The following SLC10A7 variants were observed in gnomAD, a reference collection of about 807,000 sequenced individuals.
SLC10A7 encodes sodium/bile acid cotransporter 7.
In SLC10A7, 29 loss-of-function variants were observed where a neutral mutation model predicts 43.2. That is an observed-to-expected ratio of 0.67 (90% CI 0.50 to 0.92). The LOEUF (loss-of-function observed/expected upper bound fraction) is 0.92. Ranked by LOEUF, SLC10A7 falls within the 40% of genes least tolerant of loss-of-function variation. The pLI is 0.00. For synonymous variants in SLC10A7, 152 were observed against 144.8 expected (o/e 1.05, Z -0.35); for missense variants, 295 against 403.2 (o/e 0.73, Z 2.30).
intron 6 of SLC10A7, among the ~76,000 whole-genome samples, chr4:146,325,110 G>A (rs1350493944): frequency 6.6e-6 from 1 of 152,120 alleles, no homozygotes; most frequent in African/African-American, 2.4e-5. Context: ...TTTCCCCATA[G>A]TTTTAATTCA....
chr4:146,315,823 T>C (rs1359304034), intron 6 of SLC10A7, among the ~76,000 whole-genome samples: 1 of 152,126 alleles, frequency 6.6e-6, no homozygotes, highest in Non-Finnish European at 1.5e-5. Flanking sequence ...TATAATTTAT[T>C]TTTCATAGCA....
chr4:146,377,502 C>T (rs6841790), intron 5 of SLC10A7, among the ~76,000 whole-genome samples: 32,079 of 152,116 alleles, frequency 0.21, 3,527 homozygotes, highest in African/African-American at 0.27. Context: ...CTCCTCCTCC[C>T]GCAAGGGGTT....
intron 5 of SLC10A7, among the ~76,000 whole-genome samples, chr4:146,343,955 C>G: frequency 6.6e-6 from 1 of 151,956 alleles, no homozygotes; most frequent in East Asian, 1.9e-4. Context: ...AGAAGCAAAA[C>G]TCATTTTTAA....
intron 7 of SLC10A7, among the ~76,000 whole-genome samples, chr4:146,303,463 C>G (rs1036210502): frequency 2.0e-5 from 3 of 151,282 alleles, no homozygotes; most frequent in Admixed American, 1.3e-4. Context: ...CTGCAACCTC[C>G]GCCTCCCAGG....
chr4:146,309,784 A>AT (rs1731834930), intron 6 of SLC10A7, among the ~76,000 whole-genome samples: 1 of 152,144 alleles, frequency 6.6e-6, no homozygotes, highest in Admixed American at 6.5e-5. Context: ...GTGCACTTTC[A>AT]TGTGACAGAC....
At chr4:146,335,168 G>C (rs1209291382) in intron 5 of SLC10A7, among the ~76,000 whole-genome samples, 1 of 143,212 alleles carries the variant, frequency 7.0e-6, no homozygotes, top group Non-Finnish European at 1.5e-5. Context: ...TTTTGTTTTT[G>C]CCAAAAACTT....
intron 5 of SLC10A7, among the ~76,000 whole-genome samples, chr4:146,339,297 T>C (rs17021388): frequency 0.022 from 3,325 of 152,074 alleles, 115 homozygotes; most frequent in African/African-American, 0.076. Context: ...CGTGTCTAAA[T>C]GATGGCACAC....
At chr4:146,381,329 T>C (rs1004133544) in intron 5 of SLC10A7, among the ~76,000 whole-genome samples, 2 of 152,160 alleles carry the variant, frequency 1.3e-5, no homozygotes, top group South Asian at 2.1e-4. Flanking sequence ...ATGTGAACTT[T>C]TGTAAAACTG....
At chr4:146,487,706 T>G (rs1463698268) in intron 4 of SLC10A7, among the ~76,000 whole-genome samples, 3 of 152,286 alleles carry the variant, frequency 2.0e-5, no homozygotes, top group South Asian at 4.1e-4. Context: ...CAGAATAATA[T>G]AAAAGCAGTC....
intron 10 of SLC10A7, among the ~76,000 whole-genome samples, chr4:146,264,531 C>T (rs1410387544): frequency 6.6e-6 from 1 of 152,100 alleles, no homozygotes; most frequent in Admixed American, 6.6e-5. Flanking sequence ...AGTTACTGGT[C>T]TAGGTGGTAG....
At chr4:146,364,104 G>C (rs183975375) in intron 5 of SLC10A7, among the ~76,000 whole-genome samples, 5 of 147,436 alleles carry the variant, frequency 3.4e-5, no homozygotes, top group Non-Finnish European at 6.0e-5. Flanking sequence ...AAAACCTTTA[G>C]CTAAACTAAG....
chr4:146,392,080 C>T (rs189023478), intron 5 of SLC10A7, among the ~76,000 whole-genome samples: 4 of 152,252 alleles, frequency 2.6e-5, no homozygotes, highest in East Asian at 3.9e-4. Context: ...TGTCTGCAAA[C>T]GGAGCTCAGG....
intron 6 of SLC10A7, among the ~76,000 whole-genome samples, chr4:146,313,597 T>C (rs1490825032): frequency 1.3e-5 from 2 of 152,088 alleles, no homozygotes; most frequent in African/African-American, 4.8e-5. Flanking sequence ...TATGCAACCA[T>C]AAATGGAAAC....
chr4:146,442,169 G>C (rs1730651704), intron 5 of SLC10A7: 1 of 972,014 alleles, frequency 1.0e-6, no homozygotes, highest in African/African-American at 1.8e-5. Context: ...TAAAAATAAT[G>C]ATTAAAAATG....
At chr4:146,318,100 T>A (rs1028410955) in intron 6 of SLC10A7, among the ~76,000 whole-genome samples, 1 of 152,070 alleles carries the variant, frequency 6.6e-6, no homozygotes, top group Non-Finnish European at 1.5e-5. Flanking sequence ...ACTGGGTTAA[T>A]CCGATTGACA....
At chr4:146,292,106 A>T (rs1014793497) in intron 9 of SLC10A7, among the ~76,000 whole-genome samples, 1 of 152,220 alleles carries the variant, frequency 6.6e-6, no homozygotes, top group Non-Finnish European at 1.5e-5. Flanking sequence ...TTTTACATCA[A>T]CCTAAAGCTT....
At chr4:146,372,810 C>G (rs1263091828) in intron 5 of SLC10A7, among the ~76,000 whole-genome samples, 1 of 152,052 alleles carries the variant, frequency 6.6e-6, no homozygotes. Context: ...AAAAAAGTAA[C>G]ATTTTTTGGA....
intron 5 of SLC10A7, among the ~76,000 whole-genome samples, chr4:146,382,764 T>C (rs1352693294): frequency 6.6e-6 from 1 of 152,184 alleles, no homozygotes; most frequent in African/African-American, 2.4e-5. Flanking sequence ...ATCACACCAT[T>C]TTAAATTTCT....
chr4:146,362,906 G>A (rs1407422905), intron 5 of SLC10A7, among the ~76,000 whole-genome samples: 10 of 151,152 alleles, frequency 6.6e-5, no homozygotes, highest in Non-Finnish European at 1.3e-4. Flanking sequence ...TACTGTGAGA[G>A]AAAAATTACT....
Sources: gnomAD v4.1 joint callset for allele counts (sites outside exome capture counted in the v4.1 genomes callset) on GRCh38, gnomAD v4.1.1 for gene constraint, MANE v1.5 for transcripts, NCBI Gene and HGNC (gene_info 2026-07-23, HGNC 2026-07-21) for gene names.